NAALADL2: variants seen among roughly 807,000 people sequenced by gnomAD.
NAALADL2 encodes the protein inactive N-acetylated-alpha-linked acidic dipeptidase-like protein 2.
NAALADL2 carries 76 observed loss-of-function variants against 87.2 expected under a neutral mutation model. The ratio of observed to expected loss-of-function variants is 0.87; its 90% confidence interval spans 0.72 to 1.05. The LOEUF is 1.05. Among genes scored for constraint, NAALADL2 ranks in the 50% least tolerant of loss-of-function variants. NAALADL2 has a pLI of 0.00. For missense variants in NAALADL2, 1,089 were observed against 945.8 expected (o/e 1.15, Z -1.99); for synonymous variants, 354 against 331.0 (o/e 1.07, Z -0.75).
chr3:175,173,732 A>C (rs941004441), intron 2 of NAALADL2, among the ~76,000 whole-genome samples: 2 of 152,182 alleles, frequency 1.3e-5, no homozygotes, highest in Admixed American at 6.5e-5. Context: ...ATTGCATTCA[A>C]ACTTCACAGT....
intron 4 of NAALADL2, among the ~76,000 whole-genome samples, chr3:175,293,639 A>T (rs979154369): frequency 6.6e-6 from 1 of 152,062 alleles, no homozygotes; most frequent in African/African-American, 2.4e-5. Flanking sequence ...CATAAACGGG[A>T]TCAATGCCCT....
intron 1 of NAALADL2, among the ~76,000 whole-genome samples, chr3:174,472,119 C>T (rs1716942710): frequency 6.6e-6 from 1 of 152,136 alleles, no homozygotes; most frequent in African/African-American, 2.4e-5. Context: ...CATATCTGTA[C>T]TTCATCAGAA....
chr3:175,267,134 T>C (rs1394842688), intron 4 of NAALADL2, among the ~76,000 whole-genome samples: 1 of 152,014 alleles, frequency 6.6e-6, no homozygotes, highest in Non-Finnish European at 1.5e-5. Flanking sequence ...GTTGTAGCTA[T>C]TTCAAATCTT....
chr3:175,598,350 A>ATTTT (rs371148260), intron 10 of NAALADL2, among the ~76,000 whole-genome samples: 1,934 of 147,678 alleles, frequency 0.013, 43 homozygotes, highest in African/African-American at 0.045. Context: ...TAGCCCTAAG[A>ATTTT]TTTTTTTTTT....
chr3:175,265,216 C>T (rs1214869374), intron 4 of NAALADL2, among the ~76,000 whole-genome samples: 1 of 151,630 alleles, frequency 6.6e-6, no homozygotes, highest in Admixed American at 6.6e-5. Context: ...CTCAGGACTT[C>T]AAGGCTTAGA....
At chr3:174,539,669 G>A (rs867299567) in intron 1 of NAALADL2, among the ~76,000 whole-genome samples, 6 of 152,050 alleles carry the variant, frequency 3.9e-5, no homozygotes, top group Non-Finnish European at 5.9e-5. Flanking sequence ...TGAAAGGACC[G>A]TCAATACTCA....
chr3:174,741,185 G>A lies in NAALADL2; in HGVS notation c.-9+3439G>A, dbSNP rs529643645. On this transcript the variant is annotated intron_variant, in intron 3 of 3. Transcript: ENST00000434257. ...TTATCCAAATACAGAAGAAAATACC[G>A]AAGAAAACTGACGGCAAATGTCTTG... is the stretch of plus-strand genomic sequence containing the variant. Among the ~76,000 whole-genome samples, 30 of 151,680 alleles carry A rather than the reference G, an allele frequency of 2.0e-4. No individual in the cohort carries two copies. In the East Asian group the frequency reaches 3.5e-3, roughly 18 times the overall value.
intron 2 of NAALADL2, among the ~76,000 whole-genome samples, chr3:174,660,375 T>C (rs973192516): frequency 6.6e-6 from 1 of 152,174 alleles, no homozygotes; most frequent in Non-Finnish European, 1.5e-5. Context: ...AATTTTCAGA[T>C]ACCGTATGAT....
At chr3:175,280,664 C>T (rs1004952982) in intron 4 of NAALADL2, among the ~76,000 whole-genome samples, 3 of 152,008 alleles carry the variant, frequency 2.0e-5, no homozygotes, top group Admixed American at 6.6e-5. Flanking sequence ...TTAAGAGACT[C>T]AAATTTTTCT....
intron 13 of NAALADL2, among the ~76,000 whole-genome samples, chr3:175,785,760 G>A (rs1259230830): frequency 1.1e-4 from 16 of 148,968 alleles, no homozygotes; most frequent in Admixed American, 1.0e-3. Flanking sequence ...ATGTTAGCTG[G>A]TGATTTTGCT....
chr3:175,666,192 A>T (rs972320492), intron 11 of NAALADL2, among the ~76,000 whole-genome samples: 1 of 152,100 alleles, frequency 6.6e-6, no homozygotes, highest in Non-Finnish European at 1.5e-5. Flanking sequence ...GGTGTATGGC[A>T]TTAAGTAGGG....
At chr3:174,756,743 C>T (rs1311052020) in intron 3 of NAALADL2, among the ~76,000 whole-genome samples, 1 of 152,194 alleles carries the variant, frequency 6.6e-6, no homozygotes, top group East Asian at 1.9e-4. Flanking sequence ...ATCTGCAGCA[C>T]TTGATTTGCT....
intron 11 of NAALADL2, among the ~76,000 whole-genome samples, chr3:175,734,145 C>G (rs1178848944): frequency 6.6e-6 from 1 of 152,206 alleles, no homozygotes; most frequent in Non-Finnish European, 1.5e-5. Flanking sequence ...AGTAGGGACT[C>G]TCTGTGGGGG....
chr3:175,596,470 C>G (rs554442281), intron 10 of NAALADL2, among the ~76,000 whole-genome samples: 151 of 152,092 alleles, frequency 9.9e-4, no homozygotes, highest in Non-Finnish European at 1.7e-3. Context: ...ACTATTATCA[C>G]TATGACATTC....
intron 9 of NAALADL2, among the ~76,000 whole-genome samples, chr3:175,560,715 G>A (rs1159561031): frequency 3.3e-5 from 5 of 152,000 alleles, no homozygotes; most frequent in Non-Finnish European, 4.4e-5. Flanking sequence ...TCCGCCTCCC[G>A]GGTTCAAGTG....
chr3:175,216,581 C>T (rs1451483951), intron 2 of NAALADL2, among the ~76,000 whole-genome samples: 2 of 151,282 alleles, frequency 1.3e-5, no homozygotes, highest in African/African-American at 4.9e-5. Flanking sequence ...TAGTGAGGTA[C>T]AGAACTCTTG....
chr3:175,358,325 A>G (rs886164348), intron 5 of NAALADL2, among the ~76,000 whole-genome samples: 3 of 152,054 alleles, frequency 2.0e-5, no homozygotes, highest in Non-Finnish European at 4.4e-5. Context: ...TTATGTAATT[A>G]TGATAGTATT....
At chr3:174,754,390 AT>A (rs1204299197) in intron 3 of NAALADL2, among the ~76,000 whole-genome samples, 2 of 151,414 alleles carry the variant, frequency 1.3e-5, no homozygotes, top group African/African-American at 4.8e-5. Flanking sequence ...GAAATTCATT[AT>A]TTTTTGTGAA....
intron 9 of NAALADL2, among the ~76,000 whole-genome samples, chr3:175,553,910 T>C (rs970167837): frequency 3.9e-5 from 6 of 152,112 alleles, no homozygotes; most frequent in Non-Finnish European, 5.9e-5. Context: ...GGAGTATGCA[T>C]CCTAGTGGAA....
Sources: gnomAD v4.1 joint callset for allele counts (sites outside exome capture counted in the v4.1 genomes callset) on GRCh38, gnomAD v4.1.1 for gene constraint, MANE v1.5 for transcripts, NCBI Gene and HGNC (gene_info 2026-07-23, HGNC 2026-07-21) for gene names.